Variants in MYOZ3 observed in about 807,000 individuals in gnomAD.
The protein encoded by MYOZ3 is myozenin 3.
Under a neutral mutation model 26.5 loss-of-function variants are expected in MYOZ3, and 19 were observed. That is an observed-to-expected ratio of 0.72 (90% confidence interval 0.50 to 1.05). MYOZ3 has a LOEUF of 1.05. Ranked by LOEUF, MYOZ3 falls within the 50% of genes least tolerant of loss-of-function variation. MYOZ3 has a pLI of 0.00. For synonymous variants in MYOZ3, 135 were observed against 138.8 expected, an observed-to-expected ratio of 0.97 and a Z score of 0.19; for missense variants, 322 against 337.1, an observed-to-expected ratio of 0.96 and a Z score of 0.35.
intron 6 of MYOZ3, chr5:150,673,016 GA>G (rs1247185389): frequency 2.6e-5 from 4 of 154,204 alleles, no homozygotes; most frequent in Non-Finnish European, 5.8e-5. Flanking sequence ...TGGCCTAGAA[GA>G]GGCCAACAAG....
At chr5:150,671,481 G>A (rs2151447826) in intron 3 of MYOZ3, 116 bp from the exon 4 acceptor site, 2 of 1,052,876 alleles carry the variant, frequency 1.9e-6, no homozygotes, top group Non-Finnish European at 2.9e-6. Context: ...CTTGTTCCCC[G>A]ATGATGGGCG....
At chr5:150,661,518 G>T (rs750468773) in intron 1 of MYOZ3, 91 bp downstream of exon 1, 3 of 152,218 alleles carry the variant, frequency 2.0e-5, no homozygotes, top group Non-Finnish European at 4.4e-5. Context: ...GGAGAGGAAG[G>T]GCCCTGCAGT....
chr5:150,675,436 A>G (rs1213335946), intron 6 of MYOZ3, among the ~76,000 whole-genome samples: 1 of 151,778 alleles, frequency 6.6e-6, no homozygotes, highest in East Asian at 1.9e-4. Context: ...GCAATGACAC[A>G]ATCTCAGCTC....
At chr5:150,666,630 A>AATATATATATATATAT (rs1554113785) in intron 2 of MYOZ3, among the ~76,000 whole-genome samples, 1 of 123,066 alleles carries the variant, frequency 8.1e-6, no homozygotes, top group African/African-American at 3.3e-5. Flanking sequence ...AAAAAAAAAA[A>AATATATATATATATAT]ATATATATAT....
At position 150,672,482 on chromosome 5, in the gene MYOZ3, C is replaced by G. The variant is rs531676191; in HGVS notation, c.567C>G (p.Asn189Lys). Reference protein sequence around the residue: ...SDGRSHTPSPNDYRNFNKTPV... With the variant: ...SDGRSHTPSPKDYRNFNKTPV... ...GCCGAAGTCACACCCCCAGCCCCAA[C>G]GACTACCGAAATTTCAACAAGTAAG... The change falls in exon 6 of 7, where the codon AAC becomes AAG. Residue 189 changes from asparagine (N) to lysine (K), a missense_variant. Physicochemically the swap from Asn to Lys is moderately conservative, Grantham distance 94. Coordinates refer to ENST00000517768, the MANE Select transcript of MYOZ3 (RefSeq NM_001122853.3). The G allele has an allele frequency of 1.3e-5, 21 of 1,575,986 alleles. No individual in the cohort carries two copies. The highest frequency in any genetic ancestry group is 1.8e-5 in the Non-Finnish European group (21 of 1,158,658).
chr5:150,668,049 T>C (rs1326779788), intron 2 of MYOZ3, among the ~76,000 whole-genome samples: 1 of 152,234 alleles, frequency 6.6e-6, no homozygotes. Context: ...TTTTATTTGG[T>C]TGCTATGGCT....
chr5:150,663,854 A>G (rs1183849062), intron 2 of MYOZ3, among the ~76,000 whole-genome samples: 2 of 151,864 alleles, frequency 1.3e-5, no homozygotes, highest in Non-Finnish European at 2.9e-5. Context: ...TTAGCCAGGC[A>G]TGGTGGCACA....
At chr5:150,672,604 G>C in intron 6 of MYOZ3, 102 bp downstream of exon 6, 4 of 1,362,314 alleles carry the variant, frequency 2.9e-6, no homozygotes, top group Non-Finnish European at 3.9e-6. Flanking sequence ...CTGCAGGCCA[G>C]GCTCTGTCCC....
At chr5:150,670,239 A>C (rs1758880367) in intron 2 of MYOZ3, 2 of 371,788 alleles carry the variant, frequency 5.4e-6, no homozygotes, top group Non-Finnish European at 9.6e-6. Context: ...AATAAACACA[A>C]ATGGCCAAAG....
rs1157720595 is a variant in MYOZ3, at chr5:150,667,037, G to A, written c.62-3447G>A. ...GCCTCCCAAAGTGCTGGGATTATGG[G>A]TGTGAGCCACTGCGCCCGGCCTATA... is the stretch of plus-strand genomic sequence containing the variant. On this transcript the variant is annotated intron_variant, in intron 2 of 6. Coordinates refer to ENST00000517768, the MANE Select transcript of MYOZ3 (RefSeq NM_001122853.3). Among the ~76,000 whole-genome samples, 7 of 152,122 alleles carry A rather than the reference G, an allele frequency of 4.6e-5. No individual in the cohort carries two copies. In the South Asian group the frequency reaches 1.4e-3, roughly 32 times the overall value.
rs1287495128 is a variant in MYOZ3 at position 150,672,481 on chromosome 5, A to C, written c.566A>C (p.Asn189Thr). 5.7e-6 allele frequency: 9 copies of C among 1,573,902 alleles called. No individual in the cohort carries two copies. Among genetic ancestry groups the C allele is most frequent in the Non-Finnish European group, 7.8e-6 (9 of 1,157,574 alleles). Residue 189 changes from asparagine to threonine, a missense_variant, in exon 6 of 7, where the codon AAC (asparagine) becomes ACC (threonine). Asn to Thr is a moderately conservative substitution (Grantham distance 65, BLOSUM62 0). Transcript: ENST00000517768. Reference sequence around the variant, plus strand: ...GGCCGAAGTCACACCCCCAGCCCCAACGACTACCGAAATTTCAACAAGTAA... The same window carrying C: ...GGCCGAAGTCACACCCCCAGCCCCACCGACTACCGAAATTTCAACAAGTAA... ...SDGRSHTPSP[N>T]DYRNFNKTPV...
intron 6 of MYOZ3, among the ~76,000 whole-genome samples, chr5:150,674,993 G>A (rs1288784019): frequency 6.6e-6 from 1 of 152,174 alleles, no homozygotes; most frequent in Non-Finnish European, 1.5e-5. Flanking sequence ...CTGAGTGACA[G>A]AGCAAGACCC....
intron 5 of MYOZ3, 94 bp downstream of exon 5, chr5:150,672,002 T>C: frequency 4.9e-6 from 7 of 1,429,554 alleles, no homozygotes; most frequent in Non-Finnish European, 6.5e-6. Flanking sequence ...AGAAGGCTAG[T>C]CCGCCCCCTT....
In MYOZ3 at chr5:150,672,331, C is replaced by T. The variant is rs1758930654; in HGVS notation, c.425-9C>T. ...GAACGGAGGCGCTCCCTTCCCCCCGCGCCCCTAGGCTATGCGGAGCCGCTG... is the reference window on the plus strand; with the variant it reads ...GAACGGAGGCGCTCCCTTCCCCCCGTGCCCCTAGGCTATGCGGAGCCGCTG... On this transcript the variant is annotated splice_polypyrimidine_tract_variant and intron_variant, in intron 5 of 6. Transcript: ENST00000517768. 2 of 1,593,518 alleles carry T rather than the reference C, an allele frequency of 1.3e-6. No homozygotes were observed. Among genetic ancestry groups the T allele is most frequent in the Non-Finnish European group, 8.5e-7 (1 of 1,170,724 alleles).
chr5:150,671,791 C>G lies in MYOZ3; in HGVS notation c.307C>G (p.Arg103Gly), dbSNP rs1271908387. The change falls in exon 5 of 7, where the codon CGC (arginine) becomes GGC (glycine). Residue 103 changes from arginine (R) to glycine (G), a missense_variant. Transcript: ENST00000517768. ...NANGPEGPNY[R>G]SELHIFPASP... The stretch of plus-strand genomic sequence containing the variant: ...CAATGGCCCTGAGGGGCCGAACTAC[C>G]GCTCGGAGCTCCACATCTTCCCGGC... 6.2e-7 allele frequency: 1 copy of G among 1,613,088 alleles called. No homozygotes were observed. Among genetic ancestry groups the G allele is most frequent in the East Asian group, 2.2e-5 (1 of 44,860 alleles).
chr5:150,670,611 T>C lies in MYOZ3; in HGVS notation c.189T>C (p.Thr63=). Residue 63 remains threonine, a synonymous_variant, in exon 3 of 7, where the codon ACT becomes ACC. Transcript: ENST00000517768. The part of the protein sequence containing the change: ...QKRQRRVQKF[T]FELAASQRAM... Reference sequence around the variant, plus strand: ...GGCAGCGCCGTGTGCAGAAGTTCACTTTCGAGTTAGCAGCCAGCCAGCGGG... The same window carrying C: ...GGCAGCGCCGTGTGCAGAAGTTCACCTTCGAGTTAGCAGCCAGCCAGCGGG... 7 of 1,610,648 alleles carry C rather than the reference T, an allele frequency of 4.3e-6. No individual in the cohort carries two copies. Among genetic ancestry groups the C allele is most frequent in the Non-Finnish European group, 5.9e-6 (7 of 1,177,466 alleles).
intron 2 of MYOZ3, among the ~76,000 whole-genome samples, chr5:150,666,436 A>T (rs1264868183): frequency 6.6e-6 from 1 of 151,986 alleles, no homozygotes; most frequent in African/African-American, 2.4e-5. Context: ...CAACATGGTG[A>T]AACCCCATCT....
At position 150,672,483 on chromosome 5, in the gene MYOZ3, G is replaced by A. The variant is rs1410795201; in HGVS notation, c.568G>A (p.Asp190Asn). 2 of 1,575,774 alleles carry A rather than the reference G, an allele frequency of 1.3e-6. No individual in the cohort carries two copies. The highest frequency in any genetic ancestry group is 1.7e-6 in the Non-Finnish European group (2 of 1,158,694). ...DGRSHTPSPN[D>N]YRNFNKTPVP... The stretch of plus-strand genomic sequence containing the variant: ...CCGAAGTCACACCCCCAGCCCCAAC[G>A]ACTACCGAAATTTCAACAAGTAAGG... Residue 190 changes from aspartate (D) to asparagine (N), a missense_variant, in exon 6 of 7, where the codon GAC becomes AAC. Physicochemically the swap from Asp to Asn is conservative, Grantham distance 23. Transcript: ENST00000517768.
chr5:150,666,340 G>A (rs974798155), intron 2 of MYOZ3, among the ~76,000 whole-genome samples: 7 of 151,928 alleles, frequency 4.6e-5, no homozygotes, highest in Admixed American at 1.3e-4. Flanking sequence ...GGGGCCGGGC[G>A]CGGTGGCTCA....
Sources: gnomAD v4.1 joint callset for allele counts (sites outside exome capture counted in the v4.1 genomes callset) on GRCh38, gnomAD v4.1.1 for gene constraint, MANE v1.5 for transcripts, NCBI Gene and HGNC (gene_info 2026-07-23, HGNC 2026-07-21) for gene names.